Variants in PTCHD4 observed in about 807,000 individuals in gnomAD.
PTCHD4 encodes the protein patched domain containing 4, also known as patched domain-containing protein 4.
Under a neutral mutation model 58.1 loss-of-function variants are expected in PTCHD4, and 33 were observed. The observed-to-expected ratio is 0.57, with a 90% confidence interval of 0.43 to 0.76. The LOEUF is 0.76. PTCHD4 is among the 30% of genes least tolerant of loss of function. The pLI is 0.00. For missense variants in PTCHD4, 1,058 were observed against 1,027.1 expected, an observed-to-expected ratio of 1.03 and a Z score of -0.41; for synonymous variants, 478 against 409.6, an observed-to-expected ratio of 1.17 and a Z score of -2.02.
At chr6:47,949,706 C>A (rs1766561158) in intron 4 of PTCHD4, among the ~76,000 whole-genome samples, 1 of 152,010 alleles carries the variant, frequency 6.6e-6, no homozygotes, top group African/African-American at 2.4e-5. Flanking sequence ...TCCTTCAGAA[C>A]AAACAGTGAT....
Position 47,878,426 on chromosome 6 carries a change from G to A in PTCHD4, c.2409C>T (p.Phe803=). The change falls in exon 5 of 5, where the codon TTC becomes TTT. Residue 803 remains phenylalanine (F), a synonymous_variant. Transcript: ENST00000339488. ...LLHCFVILPV[F]LTFFPPSKKH... is the part of the protein sequence containing the mutation. Reference sequence around the variant, plus strand: ...TTTTGGAAGGGGGGAAAAACGTTAGGAACACAGGTAAAATAACAAAACAGT... The same window carrying A: ...TTTTGGAAGGGGGGAAAAACGTTAGAAACACAGGTAAAATAACAAAACAGT... 1 of 1,613,468 alleles carries A rather than the reference G, an allele frequency of 6.2e-7. No individual in the cohort carries two copies. Among genetic ancestry groups the A allele is most frequent in the East Asian group, 2.2e-5 (1 of 44,832 alleles).
intron 3 of PTCHD4, among the ~76,000 whole-genome samples, chr6:48,052,327 G>T (rs1262001717): frequency 6.6e-6 from 1 of 151,696 alleles, no homozygotes; most frequent in African/African-American, 2.4e-5. Flanking sequence ...TCATTTCCAA[G>T]GTCACAGGTA....
At chr6:48,025,132 T>C (rs1202783451) in intron 3 of PTCHD4, among the ~76,000 whole-genome samples, 1 of 152,192 alleles carries the variant, frequency 6.6e-6, no homozygotes, top group Non-Finnish European at 1.5e-5. Flanking sequence ...CACTGTAACA[T>C]GTCACAGACA....
At position 47,879,500 on chromosome 6, in the gene PTCHD4, G is replaced by C. The variant is rs532522243; in HGVS notation, c.1335C>G (p.His445Gln). 1.8e-5 allele frequency: 29 copies of C among 1,613,784 alleles called. No homozygotes were observed. In the African/African-American group the frequency reaches 3.7e-4, roughly 21 times the overall value. Residue 445 changes from histidine (H) to glutamine (Q), a missense_variant, in exon 5 of 5, where the codon CAC becomes CAG. Transcript: ENST00000339488. The stretch of plus-strand genomic sequence containing the variant: ...ATTCATTATAATGTTCACGGAGGAA[G>C]TGCTGAATGAAGTGGTGCTGGTAGG... ...TNPYQHHFIQ[H>Q]FLREHYNEWI... is the part of the protein sequence containing the mutation.
rs191580522 is a variant in PTCHD4, at chr6:47,954,570, A to C, written c.898+54064T>G. On this transcript the variant is annotated intron_variant, in intron 4 of 4. Transcript: ENST00000339488. ...ATGGACATGAACATGAAGTACACTA[A>C]AGTGAGGTAGCTGACATTAGAGGCA... is the stretch of plus-strand genomic sequence containing the variant. Among the ~76,000 whole-genome samples, 8 of 152,346 alleles carry C rather than the reference A, an allele frequency of 5.3e-5. No homozygotes were observed. In the East Asian group the frequency reaches 1.2e-3, roughly 22 times the overall value.
At chr6:48,059,321 C>A (rs547101827) in intron 3 of PTCHD4, among the ~76,000 whole-genome samples, 1 of 152,150 alleles carries the variant, frequency 6.6e-6, no homozygotes, top group East Asian at 1.9e-4. Context: ...AAGGTAAGGG[C>A]TATTATGAGG....
chr6:48,078,877 G>A (rs1765109398), intron 1 of PTCHD4, among the ~76,000 whole-genome samples: 1 of 152,124 alleles, frequency 6.6e-6, no homozygotes, highest in Non-Finnish European at 1.5e-5. Flanking sequence ...CCAGCACTTT[G>A]GGAGGCGGAG....
intron 1 of PTCHD4, among the ~76,000 whole-genome samples, chr6:48,109,273 A>G (rs1027640892): frequency 3.9e-5 from 6 of 152,154 alleles, no homozygotes; most frequent in African/African-American, 1.4e-4. Context: ...GGCTACTATA[A>G]CACCAGTACC....
Position 48,056,308 on chromosome 6 carries a change from C to A in PTCHD4, c.417+11922G>T, listed in dbSNP as rs541170518. Among the ~76,000 whole-genome samples, 4 of 152,240 alleles carry A rather than the reference C, an allele frequency of 2.6e-5. No individual in the cohort carries two copies. In the South Asian group the frequency reaches 8.3e-4, roughly 32 times the overall value. ...ACATATACTTATTAGTGCTATAGTACAAATGTTAACAGTATGCTTCACCTT... is the reference window on the plus strand; with the variant it reads ...ACATATACTTATTAGTGCTATAGTAAAAATGTTAACAGTATGCTTCACCTT... On this transcript the variant is annotated intron_variant, in intron 3 of 4. Transcript: ENST00000339488.
chr6:47,894,695 C>T (rs951035641), intron 4 of PTCHD4, among the ~76,000 whole-genome samples: 1 of 152,216 alleles, frequency 6.6e-6, no homozygotes, highest in Non-Finnish European at 1.5e-5. Flanking sequence ...ATTCTTGAAG[C>T]TATCAGTAGA....
At chr6:47,926,590 T>TATAGGCTTGAA (rs772673531) in intron 4 of PTCHD4, among the ~76,000 whole-genome samples, 4 of 152,196 alleles carry the variant, frequency 2.6e-5, no homozygotes, top group Non-Finnish European at 5.9e-5. Context: ...ATAAGCACAT[T>TATAGGCTTGAA]ATAGGCTTGA....
chr6:48,106,944 T>C (rs1454774053), intron 1 of PTCHD4, among the ~76,000 whole-genome samples: 1 of 152,026 alleles, frequency 6.6e-6, no homozygotes, highest in Non-Finnish European at 1.5e-5. Flanking sequence ...CTCAATGAAA[T>C]AAAAGAGTAT....
chr6:47,952,759 T>C (rs568205424), intron 4 of PTCHD4, among the ~76,000 whole-genome samples: 2 of 152,204 alleles, frequency 1.3e-5, no homozygotes, highest in East Asian at 3.9e-4. Context: ...AAGTGTGTAT[T>C]AGGCTATATC....
chr6:48,049,164 T>C (rs1202965608), intron 3 of PTCHD4, among the ~76,000 whole-genome samples: 1 of 151,862 alleles, frequency 6.6e-6, no homozygotes, highest in African/African-American at 2.4e-5. Context: ...GGAGACTTTG[T>C]TTTTGTTTTT....
rs1763320572 is a variant in PTCHD4 at position 47,856,823 on chromosome 6, G to T, written c.*21480C>A. On this transcript the variant is annotated 3_prime_UTR_variant, in exon 5 of 5. Transcript: ENST00000339488. Reference sequence around the variant, plus strand: ...TTAAAATAATTAACAGCATTCATCAGATTAATTTTGTTTTCACATGATTTT... The same window carrying T: ...TTAAAATAATTAACAGCATTCATCATATTAATTTTGTTTTCACATGATTTT... Among the ~76,000 whole-genome samples the T allele has an allele frequency of 6.6e-6, 1 of 151,924 alleles. No homozygotes were observed. Among genetic ancestry groups the T allele is most frequent in the Admixed American group, 6.6e-5 (1 of 15,228 alleles).
At chr6:47,997,684 T>C (rs1768551955) in intron 4 of PTCHD4, among the ~76,000 whole-genome samples, 1 of 152,180 alleles carries the variant, frequency 6.6e-6, no homozygotes, top group African/African-American at 2.4e-5. Context: ...TTTGTCTTGG[T>C]CTGGATTAAG....
intron 4 of PTCHD4, among the ~76,000 whole-genome samples, chr6:47,927,378 C>T (rs1203005882): frequency 6.6e-6 from 1 of 152,132 alleles, no homozygotes; most frequent in East Asian, 1.9e-4. Context: ...CTGAAATAGG[C>T]ACTCATTCCC....
chr6:47,878,867 C>A lies in PTCHD4; in HGVS notation c.1968G>T (p.Val656=), dbSNP rs41273690. 1.2e-6 allele frequency: 2 copies of A among 1,613,480 alleles called. No homozygotes were observed. Among genetic ancestry groups the A allele is most frequent in the Admixed American group, 1.7e-5 (1 of 59,950 alleles). The change falls in exon 5 of 5, where the codon GTG becomes GTT. Residue 656 remains valine (V), a synonymous_variant. Transcript: ENST00000339488. The part of the protein sequence containing the change: ...FMDHYSLSVT[V]PVLIAGFGVL... The stretch of plus-strand genomic sequence containing the variant: ...CACCAAAGCCTGCAATCAGAACAGG[C>A]ACTGTGACAGACAAGCTGTAATGGT...
intron 4 of PTCHD4, chr6:47,901,572 G>C (rs1224569112): frequency 9.6e-7 from 1 of 1,043,180 alleles, no homozygotes; most frequent in Non-Finnish European, 1.2e-6. Context: ...GCTTCCATAT[G>C]ATTTAAACCA....
Sources: gnomAD v4.1 joint callset for allele counts (sites outside exome capture counted in the v4.1 genomes callset) on GRCh38, gnomAD v4.1.1 for gene constraint, MANE v1.5 for transcripts, NCBI Gene and HGNC (gene_info 2026-07-23, HGNC 2026-07-21) for gene names.